The following CFAP70 variants were observed in gnomAD, a reference collection of about 807,000 sequenced individuals.
CFAP70 encodes cilia and flagella associated protein 70.
A neutral mutation model predicts 137.6 loss-of-function variants in CFAP70; 81 were observed. The observed-to-expected ratio is 0.59, with a 90% CI of 0.49 to 0.71. The LOEUF is 0.71. Ranked by LOEUF, CFAP70 falls within the 30% of genes least tolerant of loss-of-function variation. The probability of loss-of-function intolerance (pLI) is 0.00; values close to 1 mark genes in which losing one functional copy is unlikely to be tolerated. For synonymous variants in CFAP70, 382 were observed against 423.6 expected (o/e 0.90, Z 1.20); for missense variants, 976 against 1,226.7 (o/e 0.80, Z 3.05).
At chr10:73,345,728 C>T (rs1179253929) in intron 4 of CFAP70, among the ~76,000 whole-genome samples, 3 of 151,812 alleles carry the variant, frequency 2.0e-5, no homozygotes, top group Admixed American at 6.6e-5. Context: ...TCGCTTGAAC[C>T]CAGGGAGGCA....
chr10:73,272,768 C>G, intron 24 of CFAP70, 160 bp downstream of exon 25: 1 of 718,404 alleles, frequency 1.4e-6, no homozygotes, highest in Admixed American at 2.0e-5. Flanking sequence ...AGTTAAGTGA[C>G]CTTCAGTTCA....
chr10:73,279,964 T>C (rs967218478), intron 19 of CFAP70, among the ~76,000 whole-genome samples: 7 of 152,192 alleles, frequency 4.6e-5, no homozygotes, highest in Admixed American at 1.3e-4. Flanking sequence ...TTTTCTCAAG[T>C]GGTTACACCA....
upstream of CFAP70, among the ~76,000 whole-genome samples, chr10:73,362,199 T>A (rs2055036918): frequency 6.6e-6 from 1 of 152,132 alleles, no homozygotes; most frequent in African/African-American, 2.4e-5. Flanking sequence ...GGAAAAACAA[T>A]GTCCACATGC....
Position 73,278,113 on chromosome 10 carries a change from G to C in CFAP70, c.2398+66C>G, listed in dbSNP as rs191037424. ...AAGTCAGGATTGCCATTTCATCATC[G>C]TAAGAGTCTTCATCCTTGTCTAGCT... is the stretch of plus-strand genomic sequence containing the variant. On this transcript the variant is annotated intron_variant, in intron 20 of 26. Transcript: ENST00000310715. 1.1e-5 allele frequency: 16 copies of C among 1,514,318 alleles called. No individual in the cohort carries two copies. The Admixed American group carries it at 1.1e-4, about 10-fold the overall frequency. The allele number at this position is 1,514,318 out of a possible 1,614,324, so 93.8% of individuals were successfully genotyped here.
chr10:73,266,596 G>C (rs967903729), intron 25 of CFAP70, among the ~76,000 whole-genome samples: 4 of 152,106 alleles, frequency 2.6e-5, no homozygotes, highest in African/African-American at 7.2e-5. Context: ...TAATAGTTTA[G>C]ATTTTGGGAC....
chr10:73,305,063 T>C (rs1412867485), intron 12 of CFAP70, among the ~76,000 whole-genome samples: 2 of 152,184 alleles, frequency 1.3e-5, no homozygotes, highest in African/African-American at 4.8e-5. Flanking sequence ...AGCCTGGATT[T>C]CTAGTGTGGC....
At chr10:73,277,598 A>G (rs1183299648) in intron 20 of CFAP70, among the ~76,000 whole-genome samples, 1 of 152,044 alleles carries the variant, frequency 6.6e-6, no homozygotes, top group Non-Finnish European at 1.5e-5. Flanking sequence ...CTGTAATCCC[A>G]GCTACTTGGG....
chr10:73,343,001 G>C (rs1411181321), intron 5 of CFAP70, among the ~76,000 whole-genome samples: 1 of 151,872 alleles, frequency 6.6e-6, no homozygotes, highest in Non-Finnish European at 1.5e-5. Context: ...ACAAGGTCAG[G>C]AGATCGAGAC....
exon 13 of CFAP70, chr10:73,299,630 G>A: frequency 1.2e-6 from 2 of 1,613,058 alleles, no homozygotes; most frequent in Non-Finnish European, 1.7e-6. Context: ...TGTCCGACGG[G>A]TAAGAGGAGG....
At chr10:73,264,829 T>C (rs547007351) in intron 25 of CFAP70, among the ~76,000 whole-genome samples, 8 of 152,376 alleles carry the variant, frequency 5.3e-5, no homozygotes, top group African/African-American at 1.9e-4. Context: ...CGTAATTATG[T>C]GGTCTCCCCA....
At chr10:73,353,480 G>T in intron 3 of CFAP70, 76 bp downstream of exon 3, 1 of 1,272,220 alleles carries the variant, frequency 7.9e-7, no homozygotes, top group Non-Finnish European at 1.1e-6. Context: ...AGAATGTTTT[G>T]GTTGTGCTTT....
chr10:73,357,569 G>C (rs760480781), intron 1 of CFAP70, among the ~76,000 whole-genome samples: 3 of 152,152 alleles, frequency 2.0e-5, no homozygotes, highest in Admixed American at 1.3e-4. Context: ...TCGTATCACT[G>C]TCTTGTTCCC....
At chr10:73,321,375 G>A (rs989526546) in intron 9 of CFAP70, among the ~76,000 whole-genome samples, 6 of 152,086 alleles carry the variant, frequency 3.9e-5, no homozygotes, top group Non-Finnish European at 8.8e-5. Context: ...CCGAGATCAC[G>A]CCATTGCACT....
intron 1 of CFAP70, among the ~76,000 whole-genome samples, chr10:73,358,360 C>T (rs192501173): frequency 4.7e-4 from 72 of 152,342 alleles, no homozygotes; most frequent in Middle Eastern, 3.4e-3. Context: ...TTCTTGTCAT[C>T]TGCTCGGAAG....
At chr10:73,345,038 T>C in intron 5 of CFAP70, 27 bp downstream of exon 6, 1 of 1,606,498 alleles carries the variant, frequency 6.2e-7, no homozygotes, top group Non-Finnish European at 8.5e-7. Context: ...TTTGAATCTC[T>C]ATAAATATCT....
intron 4 of CFAP70, among the ~76,000 whole-genome samples, chr10:73,345,528 A>G (rs2053628783): frequency 6.6e-6 from 1 of 152,142 alleles, no homozygotes; most frequent in African/African-American, 2.4e-5. Flanking sequence ...AATGTTGGCC[A>G]GGCATGATGG....
intron 19 of CFAP70, among the ~76,000 whole-genome samples, chr10:73,284,507 A>G (rs1277764029): frequency 2.0e-5 from 3 of 151,596 alleles, no homozygotes; most frequent in Non-Finnish European, 4.4e-5. Context: ...GTATTTATTT[A>G]TGTTAGGATT....
Position 73,348,249 on chromosome 10 carries a change from C to T in CFAP70, c.349+174G>A. 6.2e-7 allele frequency: 1 copy of T among 1,613,976 alleles called. No individual in the cohort carries two copies. Among genetic ancestry groups the T allele is most frequent in the Non-Finnish European group, 8.5e-7 (1 of 1,179,954 alleles). On this transcript the variant is annotated intron_variant, in intron 4 of 26. Coordinates refer to ENST00000310715, the Ensembl canonical transcript of CFAP70. ...ATGAACTCTGTCCTGCAAAAAGAAG[C>T]CCAAGTTGAGCCAAAGAAGAAAGGG...
At chr10:73,283,083 T>G (rs867529288) in intron 19 of CFAP70, among the ~76,000 whole-genome samples, 8 of 152,288 alleles carry the variant, frequency 5.3e-5, no homozygotes, top group Middle Eastern at 3.4e-3. Flanking sequence ...GCTGTCAGCC[T>G]TGGCTTCCCA....
Sources: gnomAD v4.1 joint callset for allele counts (sites outside exome capture counted in the v4.1 genomes callset) on GRCh38, gnomAD v4.1.1 for gene constraint, MANE v1.5 for transcripts, NCBI Gene and HGNC (gene_info 2026-07-23, HGNC 2026-07-21) for gene names.